Variants in DLGAP2 observed in about 807,000 individuals in gnomAD.
The protein encoded by DLGAP2 is disks large-associated protein 2.
DLGAP2 carries 26 observed loss-of-function variants against 100.3 expected under a neutral mutation model. The ratio of observed to expected loss-of-function variants is 0.26; its 90% CI spans 0.19 to 0.36. The LOEUF (loss-of-function observed/expected upper bound fraction) is 0.36, where lower values mean the gene tolerates loss of function less well. Among genes scored for constraint, DLGAP2 ranks in the 10% least tolerant of loss-of-function variants. The probability of loss-of-function intolerance (pLI) is 1.00; values close to 1 mark genes in which losing one functional copy is unlikely to be tolerated. For missense variants in DLGAP2, 1,858 were observed against 1,453.2 expected (o/e 1.28, Z -4.53); for synonymous variants, 886 against 630.1 (o/e 1.41, Z -6.08).
intron 7 of DLGAP2, among the ~76,000 whole-genome samples, chr8:1,631,629 G>A (rs919227311): frequency 5.9e-5 from 9 of 152,154 alleles, no homozygotes; most frequent in African/African-American, 1.7e-4. Context: ...AGGCCACCCC[G>A]CCGGCATTGT....
intron 2 of DLGAP2, among the ~76,000 whole-genome samples, chr8:1,037,787 T>C (rs1282715502): frequency 6.6e-6 from 1 of 152,164 alleles, no homozygotes; most frequent in Non-Finnish European, 1.5e-5. Context: ...CTCTGCCTTG[T>C]CTCAGCCAGG....
intron 6 of DLGAP2, among the ~76,000 whole-genome samples, chr8:1,576,541 C>G (rs1371183307): frequency 6.6e-6 from 1 of 152,174 alleles, no homozygotes; most frequent in African/African-American, 2.4e-5. Context: ...GAAGTCCTTG[C>G]CCATGCGTAT....
chr8:899,782 G>A (rs142871785), intron 1 of DLGAP2, among the ~76,000 whole-genome samples: 80 of 152,328 alleles, frequency 5.3e-4, no homozygotes, highest in African/African-American at 1.9e-3. Context: ...ACTCTAAAGC[G>A]TGTATTCACA....
chr8:1,107,175 C>T (rs961282867), intron 2 of DLGAP2, among the ~76,000 whole-genome samples: 1 of 152,148 alleles, frequency 6.6e-6, no homozygotes, highest in Admixed American at 6.5e-5. Context: ...GTGGAGAGAG[C>T]AGAGGCTTTG....
chr8:1,432,973 G>A (rs568545313), intron 3 of DLGAP2, among the ~76,000 whole-genome samples: 2 of 152,274 alleles, frequency 1.3e-5, no homozygotes, highest in East Asian at 3.9e-4. Context: ...GCTGCTGACT[G>A]CTCCAGGACT....
intron 2 of DLGAP2, among the ~76,000 whole-genome samples, chr8:1,243,577 C>CT (rs892762892): frequency 5.9e-5 from 9 of 152,136 alleles, no homozygotes; most frequent in Admixed American, 5.2e-4. Context: ...TTACAAAATT[C>CT]TTTATGTTCT....
intron 3 of DLGAP2, among the ~76,000 whole-genome samples, chr8:1,441,604 C>T (rs1194524076): frequency 2.7e-5 from 4 of 150,714 alleles, no homozygotes; most frequent in Non-Finnish European, 5.9e-5. Flanking sequence ...AGGAGAATCG[C>T]TTGAGCCCAG....
intron 2 of DLGAP2, among the ~76,000 whole-genome samples, chr8:1,163,278 T>C (rs1250193552): frequency 3.9e-5 from 6 of 152,198 alleles, no homozygotes; most frequent in Admixed American, 6.5e-5. Context: ...TTCTGAGATA[T>C]TAAACTCCCA....
chr8:1,593,259 C>T (rs549574375), intron 6 of DLGAP2, among the ~76,000 whole-genome samples: 1 of 152,126 alleles, frequency 6.6e-6, no homozygotes, highest in East Asian at 1.9e-4. Context: ...TTGAGACCAT[C>T]CTGGGTAACA....
At chr8:1,068,675 C>T (rs965017443) in intron 2 of DLGAP2, among the ~76,000 whole-genome samples, 1 of 151,976 alleles carries the variant, frequency 6.6e-6, no homozygotes, top group African/African-American at 2.4e-5. Context: ...TGCTGCACAG[C>T]AGGGGCTCAG....
chr8:1,369,233 C>T (rs1226921514), intron 3 of DLGAP2: 2 of 152,154 alleles, frequency 1.3e-5, no homozygotes, highest in African/African-American at 4.8e-5. Flanking sequence ...GTGGTTTCAA[C>T]AACATTTATT....
rs75191281 is a variant in DLGAP2 at position 996,646 on chromosome 8, C to G, written c.73+88680C>G. ...AAAGGATCTTTGCAGAAGGTTTTGT[C>G]TGTTCAGTAGTTTTCAGCCTTTAAA... On this transcript the variant is annotated intron_variant, in intron 2 of 14. Transcript: ENST00000637795. Among the ~76,000 whole-genome samples the G allele has an allele frequency of 7.7e-3, 1,177 of 152,264 alleles. 23 individuals carry two copies. Among genetic ancestry groups the G allele is most frequent in the African/African-American group, 0.027 (1,135 of 41,548 alleles).
intron 2 of DLGAP2, among the ~76,000 whole-genome samples, chr8:982,322 T>C (rs1800359958): frequency 6.6e-6 from 1 of 152,232 alleles, no homozygotes. Flanking sequence ...CGACAGTTTT[T>C]ACTGTAATAA....
chr8:989,671 A>T (rs1218552852), intron 2 of DLGAP2, among the ~76,000 whole-genome samples: 2 of 152,176 alleles, frequency 1.3e-5, no homozygotes, highest in Non-Finnish European at 2.9e-5. Flanking sequence ...AACCTGAGAA[A>T]AGTGAATGAT....
chr8:1,142,018 T>C lies in DLGAP2; in HGVS notation c.74-116833T>C, dbSNP rs573018081. 3.3e-5 allele frequency among the ~76,000 whole-genome samples: 5 copies of C among 152,144 alleles called. No individual in the cohort carries two copies. The South Asian group carries it at 8.3e-4, about 25-fold the overall frequency. ...TGACTTGGAGAAATACATCTCAAGG[T>C]ATTTTTCTGCTTTTTAGATGATTCA... On this transcript the variant is annotated intron_variant, in intron 2 of 14. Transcript: ENST00000637795.
At chr8:888,394 C>G (rs1184687304) in intron 1 of DLGAP2, among the ~76,000 whole-genome samples, 1 of 152,176 alleles carries the variant, frequency 6.6e-6, no homozygotes, top group Non-Finnish European at 1.5e-5. Flanking sequence ...AATTTGTCCA[C>G]CTGATCCTCC....
chr8:1,330,356 G>A (rs941635490), intron 3 of DLGAP2, among the ~76,000 whole-genome samples: 6 of 150,792 alleles, frequency 4.0e-5, no homozygotes, highest in African/African-American at 1.5e-4. Flanking sequence ...ACTGAGTTCT[G>A]GGTGGGACTG....
chr8:1,126,205 A>G (rs756681253), intron 2 of DLGAP2, among the ~76,000 whole-genome samples: 6 of 152,230 alleles, frequency 3.9e-5, no homozygotes, highest in Non-Finnish European at 8.8e-5. Context: ...TGGCAGAGCC[A>G]TGGATTTTCA....
At chr8:818,012 C>G (rs1466306452) in intron 1 of DLGAP2, among the ~76,000 whole-genome samples, 1 of 152,092 alleles carries the variant, frequency 6.6e-6, no homozygotes, top group Non-Finnish European at 1.5e-5. Context: ...TAGGGTGTAC[C>G]TGGTTAAATA....
Sources: gnomAD v4.1 joint callset for allele counts (sites outside exome capture counted in the v4.1 genomes callset) on GRCh38, gnomAD v4.1.1 for gene constraint, MANE v1.5 for transcripts, NCBI Gene and HGNC (gene_info 2026-07-23, HGNC 2026-07-21) for gene names.